The following CACNA2D3 variants were observed in gnomAD, a reference collection of about 807,000 sequenced individuals.
CACNA2D3 encodes the protein calcium voltage-gated channel auxiliary subunit alpha2delta 3, also known as voltage-dependent calcium channel subunit alpha-2/delta-3.
Under a neutral mutation model 160.6 loss-of-function variants are expected in CACNA2D3, and 60 were observed. The observed-to-expected ratio is 0.37, with a 90% CI of 0.30 to 0.46. The LOEUF (loss-of-function observed/expected upper bound fraction) is 0.46, where lower values mean the gene tolerates loss of function less well. CACNA2D3 is among the 20% of genes least tolerant of loss of function. The pLI, the probability that CACNA2D3 is intolerant of heterozygous loss-of-function variation, is 1.00. For missense variants in CACNA2D3, 1,205 were observed against 1,365.0 expected (o/e 0.88, Z 1.85); for synonymous variants, 558 against 492.9 (o/e 1.13, Z -1.75).
chr3:54,687,169 C>G (rs1427992808), intron 11 of CACNA2D3, among the ~76,000 whole-genome samples: 1 of 117,412 alleles, frequency 8.5e-6, no homozygotes, highest in Non-Finnish European at 1.6e-5. Context: ...GACACTGGGC[C>G]TCACCCTGTC....
chr3:54,666,152 C>G (rs931117864), intron 11 of CACNA2D3, among the ~76,000 whole-genome samples: 1 of 152,090 alleles, frequency 6.6e-6, no homozygotes, highest in African/African-American at 2.4e-5. Context: ...GGTTTGCCTC[C>G]TAATAATTCC....
intron 27 of CACNA2D3, among the ~76,000 whole-genome samples, chr3:54,929,372 G>A (rs564491952): frequency 8.7e-4 from 132 of 152,324 alleles, no homozygotes; most frequent in African/African-American, 3.1e-3. Flanking sequence ...CCGGTCAGCA[G>A]GAGGAATGTC....
At chr3:54,585,717 C>T (rs6783117) in intron 9 of CACNA2D3, among the ~76,000 whole-genome samples, 109,473 of 152,032 alleles carry the variant, frequency 0.72, 40,171 homozygotes, top group African/African-American at 0.83. Context: ...ATGAAATTTG[C>T]TCAGTATCAT....
intron 4 of CACNA2D3, among the ~76,000 whole-genome samples, chr3:54,415,794 G>C (rs1699745008): frequency 6.6e-6 from 1 of 152,146 alleles, no homozygotes; most frequent in Non-Finnish European, 1.5e-5. Context: ...AACAGTGGAT[G>C]GATGAATCAC....
In CACNA2D3 at chr3:55,029,328, A is replaced by C. The variant is rs943703314; in HGVS notation, c.2987+11011A>C. On this transcript the variant is annotated intron_variant, in intron 35 of 37. Coordinates refer to ENST00000474759, the MANE Select transcript of CACNA2D3 (RefSeq NM_018398.3). ...CACTTTGCTCATCTCCAAGAGGGCTATAAGCATAGTCCATGCCTCTTAGGA... is the reference window on the plus strand; with the variant it reads ...CACTTTGCTCATCTCCAAGAGGGCTCTAAGCATAGTCCATGCCTCTTAGGA... Among the ~76,000 whole-genome samples, 7 of 152,334 alleles carry C rather than the reference A, an allele frequency of 4.6e-5. No homozygotes were observed. In the East Asian group the frequency reaches 1.4e-3, roughly 29 times the overall value.
At chr3:54,290,848 C>T (rs1024704294) in intron 2 of CACNA2D3, among the ~76,000 whole-genome samples, 2 of 150,926 alleles carry the variant, frequency 1.3e-5, no homozygotes, top group Non-Finnish European at 2.9e-5. Context: ...TCATAGGTGG[C>T]AATTGAACAA....
chr3:54,550,503 C>T (rs1433356094), intron 5 of CACNA2D3, among the ~76,000 whole-genome samples: 1 of 152,222 alleles, frequency 6.6e-6, no homozygotes, highest in African/African-American at 2.4e-5. Flanking sequence ...TACCACTTCC[C>T]TATGGTTTCC....
chr3:54,370,049 T>G (rs1045431378), intron 3 of CACNA2D3, among the ~76,000 whole-genome samples: 1 of 152,214 alleles, frequency 6.6e-6, no homozygotes, highest in Non-Finnish European at 1.5e-5. Context: ...ACGTAGCATA[T>G]GAGCAATGGG....
intron 2 of CACNA2D3, among the ~76,000 whole-genome samples, chr3:54,291,314 T>C (rs1353785571): frequency 3.9e-5 from 6 of 152,228 alleles, no homozygotes; most frequent in African/African-American, 4.8e-5. Context: ...ATTAATATCC[T>C]TTTTCTCAGA....
intron 17 of CACNA2D3, 35 bp from the exon 18 acceptor site, chr3:54,871,504 T>G (rs1047129548): frequency 2.6e-6 from 4 of 1,544,836 alleles, no homozygotes; most frequent in African/African-American, 2.7e-5. Flanking sequence ...CACGGACTTT[T>G]GTTTTTCTTT....
At chr3:54,456,645 C>T (rs1700401721) in intron 4 of CACNA2D3, among the ~76,000 whole-genome samples, 1 of 151,892 alleles carries the variant, frequency 6.6e-6, no homozygotes, top group South Asian at 2.1e-4. Flanking sequence ...GGAAGTGCTA[C>T]CTCCTCTTCA....
chr3:54,624,814 G>A (rs1025840490), intron 9 of CACNA2D3, among the ~76,000 whole-genome samples: 2 of 152,142 alleles, frequency 1.3e-5, no homozygotes, highest in Non-Finnish European at 1.5e-5. Context: ...ATCATGCTCC[G>A]TGTCCCTAGG....
intron 11 of CACNA2D3, among the ~76,000 whole-genome samples, chr3:54,657,337 T>G (rs1447082562): frequency 6.6e-6 from 1 of 152,108 alleles, no homozygotes; most frequent in Non-Finnish European, 1.5e-5. Flanking sequence ...CCTCCAAACA[T>G]TTCCTTGTGT....
At chr3:54,704,206 T>TATTC (rs755785140) in intron 11 of CACNA2D3, among the ~76,000 whole-genome samples, 1 of 152,218 alleles carries the variant, frequency 6.6e-6, no homozygotes, top group Non-Finnish European at 1.5e-5. Context: ...ATTGAAAGGT[T>TATTC]ATTCAGACTG....
At chr3:54,510,720 G>C (rs891434471) in intron 5 of CACNA2D3, among the ~76,000 whole-genome samples, 1 of 152,134 alleles carries the variant, frequency 6.6e-6, no homozygotes, top group African/African-American at 2.4e-5. Flanking sequence ...GGACTAGAAA[G>C]GGCATTTCAC....
chr3:54,291,571 C>G (rs1379952360), intron 2 of CACNA2D3, among the ~76,000 whole-genome samples: 1 of 152,054 alleles, frequency 6.6e-6, no homozygotes, highest in Non-Finnish European at 1.5e-5. Flanking sequence ...GTGTTAATTA[C>G]TATGGACTAG....
chr3:54,123,703 G>GTCCTCCGATA, intron 2 of CACNA2D3, 109 bp downstream of exon 2: 2 of 878,438 alleles, frequency 2.3e-6, no homozygotes, highest in Non-Finnish European at 1.9e-6. Flanking sequence ...GTTATCGGAG[G>GTCCTCCGATA]ACTCTCTGAT....
intron 35 of CACNA2D3, among the ~76,000 whole-genome samples, chr3:55,065,883 C>T (rs1263248898): frequency 2.6e-5 from 4 of 152,158 alleles, no homozygotes; most frequent in African/African-American, 9.7e-5. Flanking sequence ...TTTCAATGTC[C>T]TGCTGAAGTT....
chr3:54,683,460 C>T (rs1700389962), intron 11 of CACNA2D3, among the ~76,000 whole-genome samples: 1 of 152,188 alleles, frequency 6.6e-6, no homozygotes, highest in South Asian at 2.1e-4. Flanking sequence ...TGATTCCAGG[C>T]CTTGCTACTT....
Sources: allele counts gnomAD v4.1 joint callset (sites outside exome capture counted in the v4.1 genomes callset), GRCh38; gene constraint gnomAD v4.1.1; transcripts MANE v1.5; gene names NCBI Gene and HGNC (gene_info 2026-07-23, HGNC 2026-07-21).